ARHGAP17: variants seen among roughly 807,000 people sequenced by gnomAD.
ARHGAP17 encodes the protein Rho GTPase activating protein 17, also known as rho GTPase-activating protein 17.
A neutral mutation model predicts 99.5 loss-of-function variants in ARHGAP17; 57 were observed. The observed-to-expected ratio is 0.57, with a 90% CI of 0.46 to 0.71. ARHGAP17 has a LOEUF of 0.71. ARHGAP17 is among the 30% of genes least tolerant of loss of function. The pLI is 0.00. For missense variants in ARHGAP17, 1,000 were observed against 1,122.4 expected, an observed-to-expected ratio of 0.89 and a Z score of 1.56; for synonymous variants, 417 against 429.6, an observed-to-expected ratio of 0.97 and a Z score of 0.36.
intron 9 of ARHGAP17, chr16:24,954,931 T>A (rs946534262): frequency 1.8e-5 from 12 of 682,942 alleles, no homozygotes; most frequent in Admixed American, 6.7e-5. Context: ...CGGTTACTTG[T>A]GGAACAGAAG....
At chr16:24,968,568 T>G in intron 5 of ARHGAP17, 93 bp downstream of exon 5, 2 of 1,517,774 alleles carry the variant, frequency 1.3e-6, no homozygotes, top group Non-Finnish European at 1.8e-6. Flanking sequence ...AAGAAGTGTA[T>G]GTTAAAGCCA....
intron 4 of ARHGAP17, 93 bp from the exon 5 acceptor site, chr16:24,968,865 A>G: frequency 8.2e-7 from 1 of 1,212,412 alleles, no homozygotes; most frequent in Middle Eastern, 1.9e-4. Context: ...ATACAACAGG[A>G]ACGCATTAGG....
intron 16 of ARHGAP17, among the ~76,000 whole-genome samples, chr16:24,940,663 T>G (rs1307539513): frequency 6.6e-6 from 1 of 152,052 alleles, no homozygotes; most frequent in East Asian, 1.9e-4. Context: ...ATCATACCAC[T>G]GCACTCTAGC....
intron 19 of ARHGAP17, among the ~76,000 whole-genome samples, chr16:24,928,102 A>T (rs2152442751): frequency 6.6e-6 from 1 of 152,350 alleles, no homozygotes; most frequent in South Asian, 2.1e-4. Flanking sequence ...ATAATAAAGG[A>T]CCATCCTGTC....
At chr16:25,006,088 T>C (rs898511416) in intron 1 of ARHGAP17, among the ~76,000 whole-genome samples, 1 of 152,058 alleles carries the variant, frequency 6.6e-6, no homozygotes, top group African/African-American at 2.4e-5. Flanking sequence ...GAATTGTAGA[T>C]ACAATCCAGC....
chr16:24,983,725 T>C (rs1261643085), intron 1 of ARHGAP17, among the ~76,000 whole-genome samples: 2 of 152,230 alleles, frequency 1.3e-5, no homozygotes, highest in Non-Finnish European at 2.9e-5. Flanking sequence ...ATGTTTCCTG[T>C]CTGCAACTGG....
At chr16:24,972,981 C>T (rs76234849) in intron 3 of ARHGAP17, among the ~76,000 whole-genome samples, 116 of 151,082 alleles carry the variant, frequency 7.7e-4, no homozygotes, top group Middle Eastern at 3.4e-3. Flanking sequence ...GTTGCCCAGG[C>T]TGGAGGTCAG....
intron 1 of ARHGAP17, among the ~76,000 whole-genome samples, chr16:24,988,377 A>G (rs1247744908): frequency 2.6e-5 from 4 of 152,232 alleles, no homozygotes; most frequent in African/African-American, 9.6e-5. Flanking sequence ...GAAAAGAAAA[A>G]GGATACTTAA....
chr16:24,959,146 A>G (rs1463922223), intron 9 of ARHGAP17, among the ~76,000 whole-genome samples: 1 of 152,244 alleles, frequency 6.6e-6, no homozygotes, highest in Non-Finnish European at 1.5e-5. Flanking sequence ...GATAAGAACA[A>G]AAGCTTAGTA....
chr16:24,968,804 G>A (rs750711351), intron 4 of ARHGAP17, 32 bp from the exon 5 acceptor site: 9 of 1,605,176 alleles, frequency 5.6e-6, no homozygotes, highest in South Asian at 4.4e-5. Context: ...CAACGAGCAC[G>A]TGCTCATTAA....
intron 1 of ARHGAP17, among the ~76,000 whole-genome samples, chr16:24,984,367 CACTTAAATACAT>C (rs1351681557): frequency 6.6e-6 from 1 of 152,156 alleles, no homozygotes; most frequent in African/African-American, 2.4e-5. Context: ...ACCTTCCTGC[CACTTAAATACAT>C]ACTGAGGCCG....
chr16:24,950,209 C>T (rs2051594358), intron 12 of ARHGAP17, among the ~76,000 whole-genome samples: 1 of 152,170 alleles, frequency 6.6e-6, no homozygotes, highest in South Asian at 2.1e-4. Flanking sequence ...CGATGTGTTA[C>T]TGGGATGGAA....
chr16:24,968,474 G>A, intron 5 of ARHGAP17, 47 bp from the exon 6 acceptor site: 1 of 1,605,064 alleles, frequency 6.2e-7, no homozygotes, highest in Non-Finnish European at 8.5e-7. Context: ...GGGCTTTTAG[G>A]TTAACCATTT....
intron 3 of ARHGAP17, among the ~76,000 whole-genome samples, chr16:24,976,579 A>AAAGGG: frequency 6.6e-6 from 1 of 151,936 alleles, no homozygotes; most frequent in East Asian, 1.9e-4. Flanking sequence ...GGGAAAGGGG[A>AAAGGG]AAGGGAAGGG....
In ARHGAP17 at chr16:24,959,760, C is replaced by G; in HGVS notation, c.643-8G>C. 1 of 1,613,828 alleles carries G rather than the reference C, an allele frequency of 6.2e-7. No homozygotes were observed. Among genetic ancestry groups the G allele is most frequent in the South Asian group, 1.1e-5 (1 of 91,030 alleles). ...TGCTTGGGCTTCTAATAACTGAGAA[C>G]AGACCCACATTCAAAAACAAAAGTA... On this transcript the variant is annotated splice_region_variant and splice_polypyrimidine_tract_variant and intron_variant, in intron 8 of 19. Coordinates refer to ENST00000289968, the MANE Select transcript of ARHGAP17 (RefSeq NM_001006634.3).
intron 10 of ARHGAP17, among the ~76,000 whole-genome samples, 198 bp downstream of exon 10, chr16:24,954,405 T>G (rs932432582): frequency 6.6e-6 from 1 of 152,142 alleles, no homozygotes; most frequent in African/African-American, 2.4e-5. Flanking sequence ...CATAGACAGA[T>G]AGGTATCATA....
intron 7 of ARHGAP17, among the ~76,000 whole-genome samples, chr16:24,960,301 T>C (rs769072371): frequency 2.0e-5 from 3 of 152,148 alleles, no homozygotes; most frequent in Non-Finnish European, 2.9e-5. Context: ...TCCCAGCACT[T>C]TGGGAGGCTG....
chr16:24,979,662 G>A (rs533915075), intron 1 of ARHGAP17, among the ~76,000 whole-genome samples: 26 of 152,116 alleles, frequency 1.7e-4, no homozygotes, highest in South Asian at 1.7e-3. Context: ...GGGGCATTCC[G>A]AGCTGGCGGA....
chr16:24,996,851 C>T (rs990969138), intron 1 of ARHGAP17, among the ~76,000 whole-genome samples: 5 of 151,282 alleles, frequency 3.3e-5, no homozygotes, highest in Non-Finnish European at 5.9e-5. Flanking sequence ...TTTGGAAGGC[C>T]GAGGCAGGAG....
Sources: gnomAD v4.1 joint callset for allele counts (sites outside exome capture counted in the v4.1 genomes callset) on GRCh38, gnomAD v4.1.1 for gene constraint, MANE v1.5 for transcripts, NCBI Gene and HGNC (gene_info 2026-07-23, HGNC 2026-07-21) for gene names.